CNTN5: variants seen among roughly 807,000 people sequenced by gnomAD.
CNTN5 encodes the protein contactin 5.
In CNTN5, 77 loss-of-function variants were observed where a neutral mutation model predicts 129.1. The observed-to-expected ratio is 0.60, with a 90% CI of 0.50 to 0.72. The LOEUF (loss-of-function observed/expected upper bound fraction) is 0.72, where lower values mean the gene tolerates loss of function less well. Among genes scored for constraint, CNTN5 ranks in the 30% least tolerant of loss-of-function variants. CNTN5 has a pLI of 0.00. For synonymous variants in CNTN5, 509 were observed against 465.6 expected (o/e 1.09, Z -1.20); for missense variants, 1,478 against 1,328.8 (o/e 1.11, Z -1.75).
At chr11:99,087,825 GTAAA>G (rs1289136556) in intron 1 of CNTN5, among the ~76,000 whole-genome samples, 1 of 152,158 alleles carries the variant, frequency 6.6e-6, no homozygotes, top group Non-Finnish European at 1.5e-5. Flanking sequence ...AAATGAGAAA[GTAAA>G]TAAATTTTAT....
At chr11:99,263,616 T>C (rs73000244) in intron 1 of CNTN5, among the ~76,000 whole-genome samples, 2,279 of 152,214 alleles carry the variant, frequency 0.015, 27 homozygotes, top group Middle Eastern at 0.024. Context: ...AAAATTATTT[T>C]ATTTGATTTT....
At chr11:99,542,501 A>G (rs207472252) in intron 2 of CNTN5, among the ~76,000 whole-genome samples, 3 of 152,200 alleles carry the variant, frequency 2.0e-5, no homozygotes, top group Non-Finnish European at 2.9e-5. Context: ...TTGTTCCAAA[A>G]TAATTGTGGG....
intron 2 of CNTN5, among the ~76,000 whole-genome samples, chr11:99,492,011 T>G (rs1211918997): frequency 6.6e-6 from 1 of 152,154 alleles, no homozygotes; most frequent in African/African-American, 2.4e-5. Flanking sequence ...GGAATTGTGC[T>G]CTGTTGAAGG....
intron 13 of CNTN5, among the ~76,000 whole-genome samples, chr11:100,127,473 G>A (rs1179470910): frequency 1.3e-5 from 2 of 151,810 alleles, no homozygotes; most frequent in Non-Finnish European, 2.9e-5. Flanking sequence ...TAATATAATT[G>A]TATAGCAGGA....
chr11:99,904,549 C>T (rs1949446246), intron 6 of CNTN5, among the ~76,000 whole-genome samples: 1 of 152,136 alleles, frequency 6.6e-6, no homozygotes, highest in Admixed American at 6.5e-5. Context: ...CATTGATGGG[C>T]ATTTGAGCTA....
At chr11:99,969,325 A>G (rs533119840) in intron 8 of CNTN5, among the ~76,000 whole-genome samples, 1 of 152,316 alleles carries the variant, frequency 6.6e-6, no homozygotes, top group African/African-American at 2.4e-5. Context: ...AATTTCTGAA[A>G]GACATAAACT....
At chr11:99,414,741 T>A (rs1942568768) in intron 2 of CNTN5, among the ~76,000 whole-genome samples, 1 of 151,938 alleles carries the variant, frequency 6.6e-6, no homozygotes, top group Non-Finnish European at 1.5e-5. Flanking sequence ...CAGAGAAGAG[T>A]GCCCAAAATC....
intron 12 of CNTN5, among the ~76,000 whole-genome samples, chr11:100,073,799 A>G (rs567711661): frequency 3.9e-4 from 59 of 152,230 alleles, no homozygotes; most frequent in African/African-American, 1.3e-3. Context: ...CATCTTACCA[A>G]AGGAAGGTCA....
chr11:99,851,759 C>A (rs575288782), intron 6 of CNTN5, among the ~76,000 whole-genome samples: 9 of 152,114 alleles, frequency 5.9e-5, no homozygotes, highest in Admixed American at 3.9e-4. Flanking sequence ...TTAAAATAAC[C>A]TACTTAACTC....
chr11:100,299,928 T>C (rs191750560), intron 20 of CNTN5, among the ~76,000 whole-genome samples: 23 of 151,478 alleles, frequency 1.5e-4, no homozygotes, highest in African/African-American at 5.3e-4. Context: ...ATTGCCTCCG[T>C]TATGTAGAAA....
chr11:99,566,957 A>G (rs1471802699), intron 3 of CNTN5, among the ~76,000 whole-genome samples: 1 of 152,236 alleles, frequency 6.6e-6, no homozygotes, highest in African/African-American at 2.4e-5. Flanking sequence ...TGTAGACTAA[A>G]TAAGAATAAT....
At chr11:99,433,081 A>T (rs11219885) in intron 2 of CNTN5, among the ~76,000 whole-genome samples, 2 of 151,196 alleles carry the variant, frequency 1.3e-5, no homozygotes, top group African/African-American at 4.9e-5. Context: ...GGAACTTTTC[A>T]GAGGATGGAA....
chr11:99,324,092 C>T (rs927894838), intron 1 of CNTN5, among the ~76,000 whole-genome samples: 11 of 152,174 alleles, frequency 7.2e-5, no homozygotes, highest in Non-Finnish European at 1.3e-4. Flanking sequence ...GCTGATATTT[C>T]ACTACTTTTG....
intron 1 of CNTN5, among the ~76,000 whole-genome samples, chr11:99,277,997 G>C (rs968972242): frequency 6.6e-6 from 1 of 151,634 alleles, no homozygotes; most frequent in African/African-American, 2.4e-5. Flanking sequence ...GTATAGACTG[G>C]AGCACGGGTT....
chr11:100,070,233 C>A (rs926993679), intron 10 of CNTN5, among the ~76,000 whole-genome samples, 191 bp from the exon 11 acceptor site: 1 of 150,900 alleles, frequency 6.6e-6, no homozygotes, highest in Non-Finnish European at 1.5e-5. Context: ...ATCAAAATAT[C>A]TTCACTGCTA....
At position 99,197,127 on chromosome 11, in the gene CNTN5, G is replaced by A. The variant is rs371473482; in HGVS notation, c.-209-128219G>A. On this transcript the variant is annotated intron_variant, in intron 1 of 24. Transcript: ENST00000524871. The stretch of plus-strand genomic sequence containing the variant: ...ATATTCAAATTTCTAAGCACATTTG[G>A]AATATTTTACAAATTGGACACATAC... 3.9e-5 allele frequency among the ~76,000 whole-genome samples: 6 copies of A among 151,910 alleles called. No homozygotes were observed. The East Asian group carries it at 9.7e-4, about 24-fold the overall frequency.
At chr11:99,731,390 A>G (rs1943528840) in intron 3 of CNTN5, among the ~76,000 whole-genome samples, 1 of 152,004 alleles carries the variant, frequency 6.6e-6, no homozygotes, top group South Asian at 2.1e-4. Flanking sequence ...CTTCTTTTAT[A>G]CTGAAAAGAA....
chr11:99,762,327 T>G (rs2135284643), intron 3 of CNTN5, among the ~76,000 whole-genome samples: 1 of 151,936 alleles, frequency 6.6e-6, no homozygotes, highest in African/African-American at 2.4e-5. Flanking sequence ...GTTTTAGACA[T>G]GAAGTCCTTG....
At chr11:99,236,969 G>T (rs551895439) in intron 1 of CNTN5, among the ~76,000 whole-genome samples, 20 of 151,054 alleles carry the variant, frequency 1.3e-4, no homozygotes, top group Non-Finnish European at 3.0e-4. Flanking sequence ...TATTGAGTTT[G>T]TTCCTGTGAT....
Sources: allele counts gnomAD v4.1 joint callset (sites outside exome capture counted in the v4.1 genomes callset), GRCh38; gene constraint gnomAD v4.1.1; transcripts MANE v1.5; gene names NCBI Gene and HGNC (gene_info 2026-07-23, HGNC 2026-07-21).